CCND3: variants seen among roughly 807,000 people sequenced by gnomAD.
CCND3 encodes the protein G1/S-specific cyclin-D3.
In CCND3, 9 loss-of-function variants were observed where a neutral mutation model predicts 28.7. That is an observed-to-expected ratio of 0.31 (90% CI 0.19 to 0.55). The LOEUF (loss-of-function observed/expected upper bound fraction) is 0.55. Ranked by LOEUF, CCND3 falls within the 20% of genes least tolerant of loss-of-function variation. The pLI, the probability that CCND3 is intolerant of heterozygous loss-of-function variation, is 0.93. For synonymous variants in CCND3, 164 were observed against 163.9 expected (o/e 1.00, Z 0.00); for missense variants, 315 against 385.8 (o/e 0.82, Z 1.54).
intron 1 of CCND3, among the ~76,000 whole-genome samples, chr6:42,030,469 C>T (rs987245978): frequency 6.6e-6 from 1 of 152,114 alleles, no homozygotes; most frequent in Admixed American, 6.5e-5. Flanking sequence ...GAGACCACCT[C>T]AGGAGGCACA....
At chr6:42,016,071 G>A (rs1435567031) in intron 1 of CCND3, among the ~76,000 whole-genome samples, 1 of 151,984 alleles carries the variant, frequency 6.6e-6, no homozygotes, top group Non-Finnish European at 1.5e-5. Flanking sequence ...GAGTAGCTGG[G>A]ATTACAGCTG....
intron 1 of CCND3, among the ~76,000 whole-genome samples, chr6:41,963,662 G>A (rs1457146906): frequency 6.6e-6 from 1 of 152,252 alleles, no homozygotes; most frequent in Non-Finnish European, 1.5e-5. Context: ...GGCAGCTACT[G>A]TGTCCCACAA....
Position 41,941,676 on chromosome 6 carries a change from G to A in CCND3, c.-27C>T, listed in dbSNP as rs1424309777. 21 of 1,367,664 alleles carry A rather than the reference G, an allele frequency of 1.5e-5. No homozygotes were observed. The highest frequency in any genetic ancestry group is 7.1e-5 in the Admixed American group (2 of 28,328). 84.7% of individuals were successfully genotyped at this position (1,367,664 alleles called of 1,614,324 possible). A position where few individuals can be genotyped will look rare whatever the true frequency, so the allele number is the denominator to read the frequency against. On this transcript the variant is annotated 5_prime_UTR_variant, in exon 1 of 5. Coordinates refer to ENST00000372991, the MANE Select transcript of CCND3 (RefSeq NM_001760.5). The surrounding 1 kb of genome is among the most constrained non-coding windows in gnomAD (Gnocchi z 6.1). Reference sequence around the variant, plus strand: ...CTCGGGCAGCGAACAGGCAGGGCGGGAGTGCGGGCTCGCGAGTCCCAAGGC... The same window carrying A: ...CTCGGGCAGCGAACAGGCAGGGCGGAAGTGCGGGCTCGCGAGTCCCAAGGC...
At chr6:42,036,911 A>T (rs1764235832) in intron 1 of CCND3, among the ~76,000 whole-genome samples, 2 of 152,114 alleles carry the variant, frequency 1.3e-5, no homozygotes, top group Non-Finnish European at 2.9e-5. Context: ...CATTTAAAAA[A>T]ATACAATGCT....
chr6:42,009,968 C>T (rs934714801), intron 1 of CCND3, among the ~76,000 whole-genome samples: 1 of 152,122 alleles, frequency 6.6e-6, no homozygotes, highest in Non-Finnish European at 1.5e-5. Context: ...TCAGTGCCCT[C>T]CAAGCAATCA....
chr6:41,944,530 T>C (rs1201746909), upstream of CCND3, among the ~76,000 whole-genome samples: 1 of 152,174 alleles, frequency 6.6e-6, no homozygotes, highest in Non-Finnish European at 1.5e-5. Context: ...CAAGTGATTC[T>C]CCTGCCTCAG....
In CCND3 at chr6:41,975,310, T is replaced by C. The variant is rs185322061; in HGVS notation, c.-45-34725A>G. ...CAAGGGAGAGGTGAAACCGTGGAGA[T>C]GGGTGTTGCCTATGGAGGTTGGCTC... On this transcript the variant is annotated intron_variant, in intron 1 of 4. Coordinates refer to the CCND3 transcript ENST00000372988. 1.4e-4 allele frequency among the ~76,000 whole-genome samples: 21 copies of C among 152,294 alleles called. No individual in the cohort carries two copies. The East Asian group carries it at 3.7e-3, about 27-fold the overall frequency.
chr6:41,964,330 ATG>A (rs750342379), intron 1 of CCND3, among the ~76,000 whole-genome samples: 57 of 94,622 alleles, frequency 6.0e-4, no homozygotes, highest in South Asian at 1.5e-3. Context: ...GTGTGTGTGA[ATG>A]TGTGTGTGAA....
rs956805243 is a variant in CCND3, at chr6:41,936,013, G to A, written c.806C>T (p.Ala269Val). The A allele has an allele frequency of 3.1e-6, 5 of 1,613,382 alleles. No individual in the cohort carries two copies. Among genetic ancestry groups the A allele is most frequent in the African/African-American group, 1.3e-5 (1 of 75,018 alleles). ...SQTSSSPAPK[A>V]PRGSSSQGPS... ...CCCTTGGCTGCTGGAGCCCCGGGGGGCTTTGGGCGCTGGGCTGGAGCTGGT... is the reference window on the plus strand; with the variant it reads ...CCCTTGGCTGCTGGAGCCCCGGGGGACTTTGGGCGCTGGGCTGGAGCTGGT... Residue 269 changes from alanine (A) to valine (V), a missense_variant, in exon 5 of 5, where the codon GCC (alanine) becomes GTC (valine). Coordinates refer to ENST00000372991, the MANE Select transcript of CCND3 (RefSeq NM_001760.5). The surrounding 1 kb of genome is among the most constrained non-coding windows in gnomAD (Gnocchi z 4.4).
chr6:42,039,546 C>A (rs573571444), intron 1 of CCND3, among the ~76,000 whole-genome samples: 3 of 152,210 alleles, frequency 2.0e-5, no homozygotes, highest in Admixed American at 6.5e-5. Flanking sequence ...TCCAGACTTA[C>A]GCTCTCAGCT....
At chr6:41,982,881 C>A (rs1319587483) in intron 1 of CCND3, among the ~76,000 whole-genome samples, 5 of 94,416 alleles carry the variant, frequency 5.3e-5, no homozygotes, top group African/African-American at 1.5e-4. Context: ...CATCCACATG[C>A]AAAAAAAAAA....
chr6:41,947,175 C>T (rs547425492), intron 1 of CCND3, among the ~76,000 whole-genome samples: 8 of 151,500 alleles, frequency 5.3e-5, no homozygotes, highest in African/African-American at 1.7e-4. Context: ...GAGCTGAGAT[C>T]GCGCCACTGC....
intron 1 of CCND3, among the ~76,000 whole-genome samples, chr6:41,979,863 T>C (rs1044920386): frequency 6.6e-6 from 1 of 152,078 alleles, no homozygotes; most frequent in African/African-American, 2.4e-5. Context: ...CACCAACTCC[T>C]GGTCTCAAGT....
At chr6:41,999,578 G>A (rs766360061) in intron 1 of CCND3, among the ~76,000 whole-genome samples, 16 of 151,952 alleles carry the variant, frequency 1.1e-4, no homozygotes, top group African/African-American at 3.1e-4. Flanking sequence ...TTTCCATCTC[G>A]CAAATAACAA....
chr6:42,012,298 T>C (rs1582161070), intron 1 of CCND3, among the ~76,000 whole-genome samples: 2 of 143,574 alleles, frequency 1.4e-5, no homozygotes, highest in East Asian at 4.7e-4. Flanking sequence ...CCCAGCTACT[T>C]GGGAGGCTGA....
At chr6:41,940,912 GCTGGGAC>G in intron 1 of CCND3, 1 of 1,561,512 alleles carries the variant, frequency 6.4e-7, no homozygotes, top group South Asian at 1.1e-5. Flanking sequence ...TAGCCAGAGA[GCTGGGAC>G]CTCACCCCCA....
At chr6:42,001,234 C>CAAAA (rs56288797) in intron 1 of CCND3, among the ~76,000 whole-genome samples, 28,070 of 73,614 alleles carry the variant, frequency 0.38, 7,985 homozygotes, top group African/African-American at 0.58. Flanking sequence ...GACCCCATCT[C>CAAAA]AAAAAAAAAA....
Position 41,993,560 on chromosome 6 carries a change from G to A in CCND3, c.-45-52975C>T, listed in dbSNP as rs571757452. ...TGGAGTAACTGGATTACAGGCATGCGCCACCATCCCCAGCTAATTTCTGTA... is the reference window on the plus strand; with the variant it reads ...TGGAGTAACTGGATTACAGGCATGCACCACCATCCCCAGCTAATTTCTGTA... On this transcript the variant is annotated intron_variant, in intron 1 of 4. Transcript: ENST00000372988. Among the ~76,000 whole-genome samples the A allele has an allele frequency of 1.2e-4, 18 of 151,838 alleles. 1 individual carries two copies. Among genetic ancestry groups the A allele is most frequent in the South Asian group, 4.2e-4 (2 of 4,810 alleles).
At chr6:41,962,957 T>C (rs938916752) in intron 1 of CCND3, among the ~76,000 whole-genome samples, 16 of 152,176 alleles carry the variant, frequency 1.1e-4, no homozygotes, top group African/African-American at 3.9e-4. Context: ...TTCACCATGT[T>C]GGCCAGGATG....
Sources: allele counts gnomAD v4.1 joint callset (sites outside exome capture counted in the v4.1 genomes callset), GRCh38; gene constraint gnomAD v4.1.1; non-coding constraint Gnocchi (gnomAD v3.1); transcripts MANE v1.5; gene names NCBI Gene and HGNC (gene_info 2026-07-23, HGNC 2026-07-21).